The following AVPI1 variants were observed in gnomAD, a reference collection of about 807,000 sequenced individuals.
AVPI1 encodes the protein arginine vasopressin-induced protein 1.
A neutral mutation model predicts 11.9 loss-of-function variants in AVPI1; 9 were observed. That is an observed-to-expected ratio of 0.76 (90% CI 0.46 to 1.32). The LOEUF (loss-of-function observed/expected upper bound fraction) is 1.32. AVPI1 is among the 40% of genes most tolerant of loss of function. The pLI is 0.00. For synonymous variants in AVPI1, 68 were observed against 78.1 expected (o/e 0.87, Z 0.68); for missense variants, 207 against 195.8 (o/e 1.06, Z -0.34).
At chr10:97,682,046 G>A (rs987415565) in intron 1 of AVPI1, among the ~76,000 whole-genome samples, 2 of 152,178 alleles carry the variant, frequency 1.3e-5, no homozygotes, top group African/African-American at 2.4e-5. Context: ...GAGGATGTGC[G>A]CAGTCTATAG....
At chr10:97,680,414 G>A (rs1230396420) in intron 1 of AVPI1, among the ~76,000 whole-genome samples, 1 of 152,206 alleles carries the variant, frequency 6.6e-6, no homozygotes, top group East Asian at 1.9e-4. Flanking sequence ...GGAATCTGAG[G>A]AAAGGTTAAG....
intron 1 of AVPI1, among the ~76,000 whole-genome samples, chr10:97,682,830 CT>C (rs758199890): frequency 1.3e-5 from 2 of 152,206 alleles, no homozygotes; most frequent in Non-Finnish European, 2.9e-5. Flanking sequence ...AAATCTGCCT[CT>C]CCTTAGGTGC....
chr10:97,679,723 A>G lies in AVPI1; in HGVS notation c.183T>C (p.Cys61=). Residue 61 remains cysteine (C), a synonymous_variant, in exon 2 of 3, where the codon TGT becomes TGC. Coordinates refer to ENST00000370626, the MANE Select transcript of AVPI1 (RefSeq NM_021732.3). ...CCTCAGCCACACGGTGGTCCCCTGCACATTCCCAGATGATCTGTGCCCGTT... is the reference window on the plus strand; with the variant it reads ...CCTCAGCCACACGGTGGTCCCCTGCGCATTCCCAGATGATCTGTGCCCGTT... The part of the protein sequence containing the change: ...AEERAQIIWE[C]AGDHRVAEAL... 1 of 1,614,012 alleles carries G rather than the reference A, an allele frequency of 6.2e-7. No individual in the cohort carries two copies. Among genetic ancestry groups the G allele is most frequent in the African/African-American group, 1.3e-5 (1 of 75,006 alleles).
rs528386867 is a variant in AVPI1 at position 97,680,220 on chromosome 10, T to C, written c.-10-305A>G. ...CCACGTGCACATGCAGAGCCAGCAG[T>C]TGAACCCAGGTCTGTCTAGCTGTAG... On this transcript the variant is annotated intron_variant, in intron 1 of 2. Coordinates refer to ENST00000370626, the MANE Select transcript of AVPI1 (RefSeq NM_021732.3). Among the ~76,000 whole-genome samples, 52 of 152,288 alleles carry C rather than the reference T, an allele frequency of 3.4e-4. 3 individuals are homozygous for C. The South Asian group carries it at 0.011, about 32-fold the overall frequency.
At chr10:97,681,388 GC>G (rs2041702510) in intron 1 of AVPI1, among the ~76,000 whole-genome samples, 1 of 152,066 alleles carries the variant, frequency 6.6e-6, no homozygotes, top group African/African-American at 2.4e-5. Context: ...TTCAAGACCA[GC>G]CTGACCAACA....
In AVPI1 at chr10:97,682,081, G is replaced by C. The variant is rs147476822; in HGVS notation, c.-10-2166C>G. Reference sequence around the variant, plus strand: ...GGCCAACATGGCATTTTATGTAAGTGACTTAAGCGTCCCACGGAGGAGCCT... The same window carrying C: ...GGCCAACATGGCATTTTATGTAAGTCACTTAAGCGTCCCACGGAGGAGCCT... On this transcript the variant is annotated intron_variant, in intron 1 of 2. Transcript: ENST00000370626. Among the ~76,000 whole-genome samples the C allele has an allele frequency of 2.2e-3, 331 of 152,322 alleles. 4 individuals carry two copies. Among genetic ancestry groups the C allele is most frequent in the South Asian group, 1.0e-3 (5 of 4,832 alleles).
intron 1 of AVPI1, among the ~76,000 whole-genome samples, chr10:97,681,227 C>T (rs1181146637): frequency 6.6e-6 from 1 of 152,090 alleles, no homozygotes; most frequent in Non-Finnish European, 1.5e-5. Context: ...TATCAGTTAC[C>T]CAATAAGAGC....
At chr10:97,679,571 A>G (rs1300193809) in intron 2 of AVPI1, 48 bp downstream of exon 2, 1 of 1,545,262 alleles carries the variant, frequency 6.5e-7, no homozygotes, top group African/African-American at 1.4e-5. Context: ...GCAGTGGTGG[A>G]ACAGGCATTA....
chr10:97,681,777 C>T (rs1371422600), intron 1 of AVPI1, among the ~76,000 whole-genome samples: 2 of 148,904 alleles, frequency 1.3e-5, no homozygotes, highest in East Asian at 3.9e-4. Context: ...ACTCGGGAGG[C>T]TGAGGCAGGA....
chr10:97,680,146 T>C (rs975570075), intron 1 of AVPI1, among the ~76,000 whole-genome samples: 2 of 152,146 alleles, frequency 1.3e-5, no homozygotes, highest in African/African-American at 4.8e-5. Flanking sequence ...ATTTTACCGA[T>C]GAAGAAGTGC....
rs112461058 is a variant in AVPI1 at position 97,679,826 on chromosome 10, G to A, written c.80C>T (p.Ser27Leu). 1.2e-5 allele frequency: 19 copies of A among 1,610,944 alleles called. No individual in the cohort carries two copies. The highest frequency in any genetic ancestry group is 5.3e-5 in the African/African-American group (4 of 74,998). Residue 27 changes from serine to leucine, a missense_variant, in exon 2 of 3, where the codon TCG (serine) becomes TTG (leucine). Physicochemically the swap from Ser to Leu is moderately radical, Grantham distance 145 (BLOSUM62 -2). Coordinates refer to ENST00000370626, the MANE Select transcript of AVPI1 (RefSeq NM_021732.3). ...PIEARGRKQASANIFQDAELL... is the reference protein window; with the variant it reads ...PIEARGRKQALANIFQDAELL... ...CTCGGCGTCCTGGAAGATGTTGGCC[G>A]AGGCCTGCTTGCGGCCCCGGGCCTC...
rs2041686309 is a variant in AVPI1 at position 97,678,968 on chromosome 10, T to A, written c.287+651A>T. 3.8e-5 allele frequency among the ~76,000 whole-genome samples: 3 copies of A among 79,760 alleles called. 1 individual carries two copies. The highest frequency in any genetic ancestry group is 1.0e-3 in the South Asian group (2 of 2,006). The allele number at this position is 79,760 out of a possible 152,430, so 52.3% of individuals were successfully genotyped here. A position where few individuals can be genotyped will look rare whatever the true frequency, so the allele number is the denominator to read the frequency against. On this transcript the variant is annotated intron_variant, in intron 2 of 2. Coordinates refer to ENST00000370626, the MANE Select transcript of AVPI1 (RefSeq NM_021732.3). ...GTGTGTGTGTGTGTGTGTGTGTGTG[T>A]GTGTGTGTGTGTGTGTGTGTGTGTG... is the stretch of plus-strand genomic sequence containing the variant.
At chr10:97,678,876 G>A (rs1263622997) in intron 2 of AVPI1, among the ~76,000 whole-genome samples, 8 of 132,380 alleles carry the variant, frequency 6.0e-5, no homozygotes, top group Non-Finnish European at 1.1e-4. Flanking sequence ...TTTGGCGGGG[G>A]GAGGGTGTGT....
At chr10:97,683,850 C>T (rs2041716367) in intron 1 of AVPI1, among the ~76,000 whole-genome samples, 1 of 152,268 alleles carries the variant, frequency 6.6e-6, no homozygotes, top group South Asian at 2.1e-4. Context: ...AGGCAATTCA[C>T]ATCCCCTCTG....
At chr10:97,683,213 A>G (rs967964470) in intron 1 of AVPI1, among the ~76,000 whole-genome samples, 13 of 151,972 alleles carry the variant, frequency 8.6e-5, no homozygotes, top group African/African-American at 3.1e-4. Flanking sequence ...GTTGGAGTGC[A>G]GTGTTGCAAT....
At chr10:97,679,005 AGAGACAG>A (rs1426135154) in intron 2 of AVPI1, among the ~76,000 whole-genome samples, 2 of 136,340 alleles carry the variant, frequency 1.5e-5, no homozygotes, top group African/African-American at 5.6e-5. Context: ...GTGTGTTTTC[AGAGACAG>A]GATCTCGCCA....
chr10:97,682,944 C>CA (rs1285895348), intron 1 of AVPI1, among the ~76,000 whole-genome samples: 9 of 152,286 alleles, frequency 5.9e-5, no homozygotes, highest in African/African-American at 2.2e-4. Flanking sequence ...CGCCAAGTAA[C>CA]ACTTTTAGGC....
At chr10:97,679,591 C>A in intron 2 of AVPI1, 28 bp downstream of exon 2, 1 of 1,586,114 alleles carries the variant, frequency 6.3e-7, no homozygotes, top group East Asian at 2.3e-5. Flanking sequence ...AGTGCTCTTC[C>A]CTCAGCCATC....
In AVPI1 at chr10:97,677,844, T is replaced by C. The variant is rs777533659; in HGVS notation, c.*25A>G. The C allele has an allele frequency of 1.2e-6, 2 of 1,612,402 alleles. No individual in the cohort carries two copies. The highest frequency in any genetic ancestry group is 3.3e-4 in the Middle Eastern group (2 of 6,048). The stretch of plus-strand genomic sequence containing the variant: ...GGCCTTTTGGCAAGAGGGAAGACAC[T>C]GCCATTCCTGGCTCTTTCCCTGGAT... On this transcript the variant is annotated 3_prime_UTR_variant, in exon 3 of 3. Coordinates refer to ENST00000370626, the MANE Select transcript of AVPI1 (RefSeq NM_021732.3).
Sources: gnomAD v4.1 joint callset for allele counts (sites outside exome capture counted in the v4.1 genomes callset) on GRCh38, gnomAD v4.1.1 for gene constraint, MANE v1.5 for transcripts, NCBI Gene and HGNC (gene_info 2026-07-23, HGNC 2026-07-21) for gene names.